Variants in DRC9 observed in about 807,000 individuals in gnomAD.
The protein encoded by DRC9 is dynein regulatory complex protein 9.
chr3:197,934,904 G>A, the DRC9 span, among the ~76,000 whole-genome samples: 1 of 151,670 alleles, frequency 6.6e-6, no homozygotes, highest in Non-Finnish European at 1.5e-5. Context: ...AGGGTCGTTT[G>A]AGGCTGTAGT....
the DRC9 span, among the ~76,000 whole-genome samples, chr3:197,942,099 AT>A: frequency 6.6e-6 from 1 of 152,190 alleles, no homozygotes; most frequent in African/African-American, 2.4e-5. Context: ...TCTATGGGTC[AT>A]TTAGGTAAAA....
chr3:197,954,270 T>A, the DRC9 span: 2 of 936,252 alleles, frequency 2.1e-6, no homozygotes, highest in Non-Finnish European at 3.4e-6. Context: ...GCTGCAAAAT[T>A]TGTGTATTGC....
At chr3:197,925,042 A>G in the DRC9 span, among the ~76,000 whole-genome samples, 1 of 152,148 alleles carries the variant, frequency 6.6e-6, no homozygotes, top group Non-Finnish European at 1.5e-5. Flanking sequence ...AAATAACATA[A>G]TGAAGCCCAA....
chr3:197,926,074 G>A, the DRC9 span: 3 of 1,584,338 alleles, frequency 1.9e-6, no homozygotes, highest in South Asian at 1.1e-5. Flanking sequence ...TGTTTTTGAA[G>A]TGATATTATC....
At chr3:197,905,533 G>C in the DRC9 span, among the ~76,000 whole-genome samples, 2 of 151,792 alleles carry the variant, frequency 1.3e-5, no homozygotes, top group Non-Finnish European at 2.9e-5. Context: ...GATCACCTGA[G>C]GTCAGGAGTT....
the DRC9 span, among the ~76,000 whole-genome samples, chr3:197,903,853 T>C: frequency 6.6e-6 from 1 of 151,738 alleles, no homozygotes; most frequent in South Asian, 2.1e-4. Flanking sequence ...CTCACACCTA[T>C]AATCCCAGCA....
the DRC9 span, among the ~76,000 whole-genome samples, chr3:197,938,320 A>AG: frequency 6.6e-6 from 1 of 150,896 alleles, no homozygotes; most frequent in African/African-American, 2.4e-5. Context: ...TCCATCTCAA[A>AG]AAAAAAAAAA....
the DRC9 span, among the ~76,000 whole-genome samples, chr3:197,930,737 A>G: frequency 2.0e-3 from 236 of 120,786 alleles, 1 homozygote; most frequent in African/African-American, 8.9e-3. Context: ...TCAGTCTCAG[A>G]AAAAAAAAAA....
At chr3:197,922,705 C>CAAAAAT in the DRC9 span, among the ~76,000 whole-genome samples, 1 of 131,634 alleles carries the variant, frequency 7.6e-6, no homozygotes, top group Non-Finnish European at 1.6e-5. Flanking sequence ...GACTCCATCT[C>CAAAAAT]AAAAATAAAA....
chr3:197,912,277 T>C, the DRC9 span, among the ~76,000 whole-genome samples: 1 of 152,066 alleles, frequency 6.6e-6, no homozygotes, highest in African/African-American at 2.4e-5. Context: ...TGAACTCAGG[T>C]GATCCACCCT....
At chr3:197,918,258 C>CTTTTTTTTT in the DRC9 span, among the ~76,000 whole-genome samples, 4 of 60,310 alleles carry the variant, frequency 6.6e-5, no homozygotes, top group African/African-American at 6.4e-5. Flanking sequence ...TAATTTTTTG[C>CTTTTTTTTT]TTTTTTTTTT....
chr3:197,950,771 T>A, the DRC9 span: 1 of 641,478 alleles, frequency 1.6e-6, no homozygotes, highest in Non-Finnish European at 2.7e-6. Flanking sequence ...TTTGAATGTC[T>A]TGCCGGACCC....
chr3:197,950,227 T>A, the DRC9 span: 1 of 1,231,068 alleles, frequency 8.1e-7, no homozygotes, highest in Non-Finnish European at 1.0e-6. Flanking sequence ...TGGAGGTGAG[T>A]GAAGGGTCTG....
chr3:197,903,010 C>G, the DRC9 span, among the ~76,000 whole-genome samples: 1 of 151,762 alleles, frequency 6.6e-6, no homozygotes, highest in Non-Finnish European at 1.5e-5. Flanking sequence ...AATAGAGAAC[C>G]CAGAAGCAAA....
chr3:197,955,273 C>CTTTTTT, the DRC9 span, among the ~76,000 whole-genome samples: 1 of 143,916 alleles, frequency 6.9e-6, no homozygotes, highest in East Asian at 2.0e-4. Flanking sequence ...TTTTCTTTTT[C>CTTTTTT]TTTTTTTTTT....
chr3:197,921,035 G>C, the DRC9 span, among the ~76,000 whole-genome samples: 1 of 148,656 alleles, frequency 6.7e-6, no homozygotes. Context: ...CAGTAACTCC[G>C]GGGATTTAAC....
At chr3:197,939,300 A>AC in the DRC9 span, among the ~76,000 whole-genome samples, 2 of 152,234 alleles carry the variant, frequency 1.3e-5, no homozygotes. Context: ...TGAAATACAA[A>AC]TAAAAAAAGG....
At chr3:197,929,102 A>C in the DRC9 span, among the ~76,000 whole-genome samples, 1 of 152,196 alleles carries the variant, frequency 6.6e-6, no homozygotes, top group Admixed American at 6.5e-5. The surrounding 1 kb of genome is among the most constrained non-coding windows in gnomAD (Gnocchi z 4.6). Context: ...GCAGACGGAC[A>C]CCAGACACAG....
At chr3:197,946,444 A>AAAG in the DRC9 span, among the ~76,000 whole-genome samples, 1 of 151,786 alleles carries the variant, frequency 6.6e-6, no homozygotes, top group East Asian at 1.9e-4. Context: ...CAAAAAAAAA[A>AAAG]AAAAAAAAAA....
Sources: gnomAD v4.1 joint callset for allele counts (sites outside exome capture counted in the v4.1 genomes callset) on GRCh38, gnomAD v4.1.1 for gene constraint, Gnocchi (gnomAD v3.1) non-coding constraint, MANE v1.5 for transcripts, NCBI Gene and HGNC (gene_info 2026-07-23, HGNC 2026-07-21) for gene names.